The following ACTR3C variants were observed in gnomAD, a reference collection of about 807,000 sequenced individuals.
ACTR3C encodes the protein actin related protein 3C.
A neutral mutation model predicts 26.3 loss-of-function variants in ACTR3C; 18 were observed. That is an observed-to-expected ratio of 0.68 (90% CI 0.47 to 1.01). ACTR3C has a LOEUF of 1.01. Among genes scored for constraint, ACTR3C ranks in the 50% least tolerant of loss-of-function variants. The pLI is 0.00. For missense variants in ACTR3C, 184 were observed against 250.7 expected, an observed-to-expected ratio of 0.73 and a Z score of 1.80; for synonymous variants, 55 against 94.5, an observed-to-expected ratio of 0.58 and a Z score of 2.42.
chr7:150,068,605 C>T, the ACTR3C span, among the ~76,000 whole-genome samples: 8 of 139,740 alleles, frequency 5.7e-5, no homozygotes, highest in Non-Finnish European at 9.3e-5. Context: ...GGTGAAACCC[C>T]GTCTCTACTA....
chr7:150,094,968 A>G, the ACTR3C span, among the ~76,000 whole-genome samples: 1 of 62,764 alleles, frequency 1.6e-5, no homozygotes, highest in Non-Finnish European at 3.1e-5. Flanking sequence ...CAGCCCCCAC[A>G]GCCCCCCAGC....
chr7:150,272,834 G>A lies in ACTR3C; in HGVS notation c.564+11919C>T, dbSNP rs2129611113. On this transcript the variant is annotated intron_variant, in intron 6 of 7. Transcript: ENST00000683684. ...GTCTCCCAAGTAGCTGAGACTACAG[G>A]TGCATCCAACACATCCAGCTAATTT... 1.5e-5 allele frequency among the ~76,000 whole-genome samples: 2 copies of A among 136,908 alleles called. 1 individual carries two copies. Among genetic ancestry groups the A allele is most frequent in the South Asian group, 5.1e-4 (2 of 3,908 alleles). The allele number at this position is 136,908 out of a possible 152,430, so 89.8% of individuals were successfully genotyped here. A position where few individuals can be genotyped will look rare whatever the true frequency, so the allele number is the denominator to read the frequency against.
chr7:150,197,369 G>A, the ACTR3C span, among the ~76,000 whole-genome samples: 1 of 152,180 alleles, frequency 6.6e-6, no homozygotes, highest in Non-Finnish European at 1.5e-5. Context: ...ATTGACGTCT[G>A]ACTTGATCTG....
intron 1 of ACTR3C, among the ~76,000 whole-genome samples, chr7:150,298,430 G>T (rs375119294): frequency 2.0e-5 from 3 of 150,266 alleles, no homozygotes; most frequent in East Asian, 1.9e-4. Flanking sequence ...ATACCAGTCC[G>T]ATTAAGAGAT....
At chr7:149,888,947 G>T in the ACTR3C span, among the ~76,000 whole-genome samples, 1 of 151,940 alleles carries the variant, frequency 6.6e-6, no homozygotes, top group Non-Finnish European at 1.5e-5. Context: ...GGCGGAGGTT[G>T]CAGTGAGCTG....
chr7:150,291,394 A>C (rs1231867981), intron 3 of ACTR3C, among the ~76,000 whole-genome samples: 1 of 152,130 alleles, frequency 6.6e-6, no homozygotes, highest in South Asian at 2.1e-4. Flanking sequence ...GTGCCATTGC[A>C]CTCCAGCCTG....
chr7:149,983,942 G>A, the ACTR3C span, among the ~76,000 whole-genome samples: 2 of 152,072 alleles, frequency 1.3e-5, no homozygotes, highest in Admixed American at 1.3e-4. Context: ...GTAGAGAGGT[G>A]CTTGCCAGGG....
chr7:150,092,230 A>C, the ACTR3C span, among the ~76,000 whole-genome samples: 54,322 of 110,948 alleles, frequency 0.49, 14,628 homozygotes, highest in East Asian at 0.77. Context: ...TGAAGACTTG[A>C]TTAAACCTAT....
the ACTR3C span, among the ~76,000 whole-genome samples, chr7:149,992,530 A>C: frequency 6.6e-6 from 1 of 152,222 alleles, no homozygotes; most frequent in Non-Finnish European, 1.5e-5. Flanking sequence ...CAATATGAGA[A>C]ATGCACAACC....
At chr7:150,128,869 C>T in the ACTR3C span, among the ~76,000 whole-genome samples, 1 of 151,856 alleles carries the variant, frequency 6.6e-6, no homozygotes, top group Non-Finnish European at 1.5e-5. Flanking sequence ...AACATTTGAG[C>T]TTACGAGGGC....
At chr7:150,023,224 G>GATATCTATATAT in the ACTR3C span, among the ~76,000 whole-genome samples, 2 of 142,652 alleles carry the variant, frequency 1.4e-5, no homozygotes, top group Non-Finnish European at 3.1e-5. Flanking sequence ...TCTCTATATA[G>GATATCTATATAT]ATCTCTATAT....
chr7:150,244,402 T>C (rs977853700), downstream of ACTR3C: 7 of 151,680 alleles, frequency 4.6e-5, no homozygotes, highest in Admixed American at 1.3e-4. Context: ...CTCTCTAGGT[T>C]TGTGGAACTG....
At chr7:150,188,857 G>A in the ACTR3C span, among the ~76,000 whole-genome samples, 1 of 150,660 alleles carries the variant, frequency 6.6e-6, no homozygotes, top group Admixed American at 6.6e-5. Flanking sequence ...CATTGTTGTG[G>A]GGTGTCATTG....
chr7:150,309,690 G>T (rs1796124048), intron 1 of ACTR3C, among the ~76,000 whole-genome samples: 2 of 152,178 alleles, frequency 1.3e-5, no homozygotes, highest in African/African-American at 4.8e-5. Context: ...CCTAAGCCGT[G>T]TCCCACCTGT....
At position 150,274,229 on chromosome 7, in the gene ACTR3C, G is replaced by A. The variant is rs2907029; in HGVS notation, c.564+10524C>T. 1.2e-4 allele frequency among the ~76,000 whole-genome samples: 18 copies of A among 152,178 alleles called. No homozygotes were observed. The highest frequency in any genetic ancestry group is 1.7e-4 in the African/African-American group (7 of 41,538). On this transcript the variant is annotated intron_variant, in intron 6 of 7. Coordinates refer to ENST00000683684, the MANE Select transcript of ACTR3C (RefSeq NM_001164458.2). This position sits in a 1 kb window ranked among gnomAD's most constrained non-coding sequence, Gnocchi z 4.1. Reference sequence around the variant, plus strand: ...TAGAAGATGGCATTTATTGCACTTCGCCCATAATGTGTTTGTTACCAACTG... The same window carrying A: ...TAGAAGATGGCATTTATTGCACTTCACCCATAATGTGTTTGTTACCAACTG...
the ACTR3C span, among the ~76,000 whole-genome samples, chr7:150,042,194 C>A: frequency 1.6e-4 from 4 of 25,762 alleles, 1 homozygote; most frequent in Admixed American, 7.0e-4. Context: ...TGCCTCCCCC[C>A]CCCTGCGATG....
At chr7:150,069,450 T>C in the ACTR3C span, among the ~76,000 whole-genome samples, 16,076 of 151,942 alleles carry the variant, frequency 0.11, 831 homozygotes, top group Middle Eastern at 0.16. Flanking sequence ...ATTAAAAAAA[T>C]AGTTTATCTA....
chr7:150,027,339 C>T, the ACTR3C span, among the ~76,000 whole-genome samples: 2 of 151,330 alleles, frequency 1.3e-5, no homozygotes, highest in Admixed American at 1.3e-4. Context: ...GGCACAATCT[C>T]GGCTCACTGC....
the ACTR3C span, among the ~76,000 whole-genome samples, chr7:150,236,793 T>C: frequency 1.3e-5 from 2 of 149,624 alleles, no homozygotes; most frequent in Non-Finnish European, 2.9e-5. Flanking sequence ...CTAGGGCTTA[T>C]TGGAATGCTA....
Sources: allele counts gnomAD v4.1 joint callset (sites outside exome capture counted in the v4.1 genomes callset), GRCh38; gene constraint gnomAD v4.1.1; non-coding constraint Gnocchi (gnomAD v3.1); transcripts MANE v1.5; gene names NCBI Gene and HGNC (gene_info 2026-07-23, HGNC 2026-07-21).